Variants in TUSC3 observed in about 807,000 individuals in gnomAD.
TUSC3 encodes dolichyl-diphosphooligosaccharide--protein glycosyltransferase subunit TUSC3.
Under a neutral mutation model 44.8 loss-of-function variants are expected in TUSC3, and 45 were observed. The ratio of observed to expected loss-of-function variants is 1.00; its 90% CI spans 0.79 to 1.29. The LOEUF (loss-of-function observed/expected upper bound fraction) is 1.29, where lower values mean the gene tolerates loss of function less well. Among genes scored for constraint, TUSC3 ranks in the 50% most tolerant of loss-of-function variants. The pLI is 0.00. For missense variants in TUSC3, 519 were observed against 437.9 expected (o/e 1.19, Z -1.65); for synonymous variants, 212 against 152.9 (o/e 1.39, Z -2.85).
At chr8:15,543,212 G>A (rs1801748001) in intron 1 of TUSC3, among the ~76,000 whole-genome samples, 1 of 151,468 alleles carries the variant, frequency 6.6e-6, no homozygotes, top group African/African-American at 2.4e-5. Context: ...AAGTGTAGCA[G>A]TTGAAAGTTA....
chr8:15,619,214 C>T (rs1219204898), intron 1 of TUSC3, among the ~76,000 whole-genome samples: 1 of 152,080 alleles, frequency 6.6e-6, no homozygotes, highest in African/African-American at 2.4e-5. Flanking sequence ...CTTATTTTCA[C>T]TATGATTTGA....
At chr8:15,745,164 A>C (rs1196497924) in intron 8 of TUSC3, among the ~76,000 whole-genome samples, 1 of 151,780 alleles carries the variant, frequency 6.6e-6, no homozygotes, top group Non-Finnish European at 1.5e-5. Context: ...CATACATACC[A>C]CATTTTCTTT....
At chr8:15,457,313 T>C (rs1186303584) in intron 1 of TUSC3, among the ~76,000 whole-genome samples, 2 of 151,746 alleles carry the variant, frequency 1.3e-5, no homozygotes, top group Non-Finnish European at 2.9e-5. Flanking sequence ...ACTTAAAGTA[T>C]AATAAAAATA....
chr8:15,584,899 A>G (rs1245499824), intron 1 of TUSC3, among the ~76,000 whole-genome samples: 1 of 152,172 alleles, frequency 6.6e-6, no homozygotes, highest in Non-Finnish European at 1.5e-5. Context: ...GAGATCTGAA[A>G]TACTATTTGG....
chr8:15,780,657 C>T, the TUSC3 span, among the ~76,000 whole-genome samples: 2 of 152,228 alleles, frequency 1.3e-5, no homozygotes, highest in South Asian at 2.1e-4. Context: ...TTCCAGCAGC[C>T]CGAGTAGGAC....
At chr8:15,717,950 G>C (rs1046321459) in intron 6 of TUSC3, among the ~76,000 whole-genome samples, 7 of 151,966 alleles carry the variant, frequency 4.6e-5, no homozygotes, top group Non-Finnish European at 1.0e-4. Context: ...ACATTTTTAA[G>C]TATATATACT....
At chr8:15,744,957 C>G (rs555900621) in intron 8 of TUSC3, among the ~76,000 whole-genome samples, 13 of 152,042 alleles carry the variant, frequency 8.6e-5, no homozygotes, top group Non-Finnish European at 1.6e-4. Flanking sequence ...CTCACTCCAT[C>G]CCCACTCTAG....
chr8:15,603,063 G>C (rs532066494), intron 1 of TUSC3, among the ~76,000 whole-genome samples: 6 of 151,496 alleles, frequency 4.0e-5, no homozygotes, highest in Non-Finnish European at 7.4e-5. Context: ...TGACAAAGGA[G>C]ACCATAAGTA....
Position 15,659,522 on chromosome 8 carries a change from G to C in TUSC3, c.442G>C (p.Ala148Pro). 1.2e-6 allele frequency: 2 copies of C among 1,612,664 alleles called. No homozygotes were observed. Among genetic ancestry groups the C allele is most frequent in the Non-Finnish European group, 8.5e-7 (1 of 1,179,560 alleles). ...DVFQQLNMNS[A>P]PTFMHFPPKG... The stretch of plus-strand genomic sequence containing the variant: ...TGTTTTACAGCTCAACATGAACTCT[G>C]CTCCTACATTCATGCATTTTCCTCC... The change falls in exon 4 of 11, where the codon GCT (alanine) becomes CCT (proline). Residue 148 changes from alanine to proline, a missense_variant. By Grantham distance (27) the Ala-to-Pro change is conservative (BLOSUM62 -1). Coordinates refer to ENST00000503731, the MANE Select transcript of TUSC3 (RefSeq NM_006765.4).
At chr8:15,800,105 G>C in the TUSC3 span, among the ~76,000 whole-genome samples, 1 of 152,178 alleles carries the variant, frequency 6.6e-6, no homozygotes, top group Non-Finnish European at 1.5e-5. Context: ...CTTTGTTACA[G>C]GGGAGACACT....
chr8:15,420,617 GATT>G (rs1231793102), intron 1 of TUSC3, among the ~76,000 whole-genome samples: 1 of 151,974 alleles, frequency 6.6e-6, no homozygotes, highest in Non-Finnish European at 1.5e-5. Context: ...TTCCTCTGAA[GATT>G]ATTATTTTCC....
intron 1 of TUSC3, among the ~76,000 whole-genome samples, chr8:15,577,905 A>G (rs544320190): frequency 6.6e-6 from 1 of 151,066 alleles, no homozygotes; most frequent in East Asian, 1.9e-4. Context: ...TACCTTGGGC[A>G]GTACGGCCAT....
the TUSC3 span, among the ~76,000 whole-genome samples, chr8:15,817,994 GGA>G: frequency 6.6e-6 from 1 of 152,106 alleles, no homozygotes; most frequent in Non-Finnish European, 1.5e-5. Context: ...GGAGGAAGCT[GGA>G]GAGACTGTGA....
At chr8:15,479,814 G>A (rs973751309) in intron 1 of TUSC3, among the ~76,000 whole-genome samples, 3 of 152,148 alleles carry the variant, frequency 2.0e-5, no homozygotes, top group Non-Finnish European at 2.9e-5. Context: ...TATCATGCAA[G>A]AGAAAGAAAT....
intron 1 of TUSC3, among the ~76,000 whole-genome samples, chr8:15,423,143 A>G (rs1009308536): frequency 2.6e-5 from 4 of 152,092 alleles, no homozygotes; most frequent in Admixed American, 6.5e-5. Context: ...GGACCTTTCC[A>G]TTTTCACTAC....
intron 5 of TUSC3, among the ~76,000 whole-genome samples, chr8:15,669,373 G>A (rs1807836582): frequency 6.6e-6 from 1 of 151,750 alleles, no homozygotes; most frequent in African/African-American, 2.4e-5. Context: ...TAAAAAAAGA[G>A]GAAGTGCCTC....
intron 7 of TUSC3, among the ~76,000 whole-genome samples, chr8:15,741,986 G>A (rs1227344805): frequency 6.6e-6 from 1 of 152,128 alleles, no homozygotes; most frequent in Non-Finnish European, 1.5e-5. Context: ...AATGTCCCAT[G>A]TCTGTGGATT....
chr8:15,605,964 A>G (rs1035038643), intron 1 of TUSC3, among the ~76,000 whole-genome samples: 3 of 152,128 alleles, frequency 2.0e-5, no homozygotes, highest in African/African-American at 4.8e-5. Flanking sequence ...TGAGCCCTTC[A>G]TCTCTCCAGT....
rs13439679 is a variant in TUSC3 at position 15,561,577 on chromosome 8, G to A, written c.138+21009G>A. On this transcript the variant is annotated intron_variant, in intron 1 of 10. Transcript: ENST00000503731. ...GCTTTGTTTACCTAATCAAGCCTGG[G>A]CAATGGCGGGTGCCCCTCCCCCAGC... is the stretch of plus-strand genomic sequence containing the variant. 2.3e-3 allele frequency: 358 copies of A among 155,482 alleles called. 6 individuals carry two copies. The highest frequency in any genetic ancestry group is 8.4e-3 in the African/African-American group (347 of 41,478). The allele number at this position is 155,482 out of a possible 1,614,324, so 9.6% of individuals were successfully genotyped here.
Sources: allele counts gnomAD v4.1 joint callset (sites outside exome capture counted in the v4.1 genomes callset), GRCh38; gene constraint gnomAD v4.1.1; transcripts MANE v1.5; gene names NCBI Gene and HGNC (gene_info 2026-07-23, HGNC 2026-07-21).